The following TOM1 variants were observed in gnomAD, a reference collection of about 807,000 sequenced individuals.
TOM1 encodes the protein target of Myb protein 1.
A neutral mutation model predicts 61.3 loss-of-function variants in TOM1; 38 were observed. The ratio of observed to expected loss-of-function variants is 0.62; its 90% CI spans 0.48 to 0.81. The LOEUF is 0.81. Among genes scored for constraint, TOM1 ranks in the 40% least tolerant of loss-of-function variants. The probability of loss-of-function intolerance (pLI) is 0.00; values close to 1 mark genes in which losing one functional copy is unlikely to be tolerated. For synonymous variants in TOM1, 270 were observed against 268.8 expected, an observed-to-expected ratio of 1.00 and a Z score of -0.04; for missense variants, 591 against 659.6, an observed-to-expected ratio of 0.90 and a Z score of 1.14.
chr22:35,317,997 C>T lies in TOM1; in HGVS notation c.137+36C>T, dbSNP rs376457954. 236 of 1,553,316 alleles carry T rather than the reference C, an allele frequency of 1.5e-4. 1 individual carries two copies. The highest frequency in any genetic ancestry group is 1.6e-4 in the African/African-American group (12 of 73,656). On this transcript the variant is annotated intron_variant, in intron 2 of 14. Coordinates refer to ENST00000449058, the MANE Select transcript of TOM1 (RefSeq NM_005488.3). ...CCCAAGGAGAGGTTGGGGGCAGAGACGGCCATCCCACCACGCAGCACACTC... is the reference window on the plus strand; with the variant it reads ...CCCAAGGAGAGGTTGGGGGCAGAGATGGCCATCCCACCACGCAGCACACTC...
At chr22:35,312,625 G>C (rs1445150162) in intron 1 of TOM1, among the ~76,000 whole-genome samples, 2 of 152,226 alleles carry the variant, frequency 1.3e-5, no homozygotes, top group African/African-American at 4.8e-5. Flanking sequence ...TGTCTTAAAG[G>C]TTGTGGTGAC....
intron 11 of TOM1, 97 bp downstream of exon 11, chr22:35,334,545 A>G (rs1020517162): frequency 6.1e-6 from 9 of 1,464,664 alleles, no homozygotes; most frequent in Non-Finnish European, 8.5e-6. Context: ...GGAAGGGCAC[A>G]CGGACCCTGC....
chr22:35,333,014 G>A lies in TOM1; in HGVS notation c.933G>A (p.Lys311=), dbSNP rs771617048. 1.2e-5 allele frequency: 20 copies of A among 1,614,004 alleles called. No individual in the cohort carries two copies. Among genetic ancestry groups the A allele is most frequent in the East Asian group, 6.7e-5 (3 of 44,896 alleles). Reference sequence around the variant, plus strand: ...GGTTCCGAACAGGCCAGACCACCAAGGTAAAAGTCTTCTTTTCTGTGACTA... The same window carrying A: ...GGTTCCGAACAGGCCAGACCACCAAAGTAAAAGTCTTCTTTTCTGTGACTA... ...FERFRTGQTT[K]APSEAEPAAD... Residue 311 remains lysine (K), a splice_region_variant and synonymous_variant, in exon 9 of 15, where the codon AAG becomes AAA. Transcript: ENST00000449058.
chr22:35,330,039 G>C (rs1294234366), intron 7 of TOM1, among the ~76,000 whole-genome samples: 4 of 152,140 alleles, frequency 2.6e-5, no homozygotes, highest in Admixed American at 2.6e-4. Flanking sequence ...CAGCACTTTG[G>C]GAGGCCGAGG....
In TOM1 at chr22:35,323,737, G is replaced by A. The variant is rs1337779332; in HGVS notation, c.502-31G>A. The A allele has an allele frequency of 6.2e-7, 1 of 1,601,230 alleles. No homozygotes were observed. The highest frequency in any genetic ancestry group is 8.5e-7 in the Non-Finnish European group (1 of 1,171,450). ...TCCTGGGCTCTTGATGTTCCCAGGA[G>A]CCCTCACTGATCCTGTTTTCCTCCC... On this transcript the variant is annotated intron_variant, in intron 5 of 14. Transcript: ENST00000449058. The surrounding 1 kb of genome is among the most constrained non-coding windows in gnomAD (Gnocchi z 4.2).
chr22:35,309,659 A>AAG (rs1555892238), intron 1 of TOM1, among the ~76,000 whole-genome samples: 5 of 151,278 alleles, frequency 3.3e-5, no homozygotes, highest in Non-Finnish European at 7.4e-5. Context: ...AAAAAAAAAA[A>AAG]AGAGAGAGAA....
chr22:35,312,469 A>G (rs1392005571), intron 1 of TOM1, among the ~76,000 whole-genome samples: 3 of 152,224 alleles, frequency 2.0e-5, no homozygotes, highest in Non-Finnish European at 4.4e-5. Flanking sequence ...GGTGTTGAGA[A>G]TGTTTGAGAA....
intron 13 of TOM1, 140 bp from the exon 14 acceptor site, chr22:35,346,790 C>T (rs1930535275): frequency 1.3e-6 from 1 of 768,528 alleles, no homozygotes; most frequent in Non-Finnish European, 2.1e-6. Flanking sequence ...GTCCTGGGAC[C>T]TGGGTGGTGG....
chr22:35,317,738 G>A, intron 1 of TOM1, 139 bp from the exon 2 acceptor site: 9 of 677,462 alleles, frequency 1.3e-5, no homozygotes, highest in South Asian at 1.3e-4. Context: ...ACAGGGCCAG[G>A]CCCTGTGCCC....
intron 7 of TOM1, among the ~76,000 whole-genome samples, chr22:35,327,594 C>A (rs1042117797): frequency 2.6e-5 from 4 of 152,186 alleles, no homozygotes; most frequent in Non-Finnish European, 5.9e-5. Context: ...ACAAAGTAGC[C>A]CCCCTGGCCT....
chr22:35,343,086 A>G (rs1930045313), intron 12 of TOM1, among the ~76,000 whole-genome samples: 1 of 120,088 alleles, frequency 8.3e-6, no homozygotes. Context: ...TACACACACC[A>G]CACCTACACA....
At chr22:35,304,351 C>T (rs914486330) in intron 1 of TOM1, among the ~76,000 whole-genome samples, 3 of 152,202 alleles carry the variant, frequency 2.0e-5, no homozygotes, top group African/African-American at 7.2e-5. Flanking sequence ...CCAAGGGCAG[C>T]ACCCGTAGCT....
chr22:35,341,778 C>A (rs1929900879), intron 12 of TOM1, among the ~76,000 whole-genome samples: 2 of 152,202 alleles, frequency 1.3e-5, no homozygotes, highest in African/African-American at 2.4e-5. Context: ...CACAACTCCA[C>A]TGGCAGCAAA....
In TOM1 at chr22:35,299,986, T is replaced by A; in HGVS notation, c.52+6T>A. 1 of 1,568,852 alleles carries A rather than the reference T, an allele frequency of 6.4e-7. No homozygotes were observed. Among genetic ancestry groups the A allele is most frequent in the South Asian group, 1.2e-5 (1 of 85,786 alleles). ...TCCAGTGGGACAGCGCATCGGTGAG[T>A]CCCTGGAGCCCCCCACAGCTCCGCC... On this transcript the variant is annotated splice_donor_region_variant and intron_variant, in intron 1 of 14. Transcript: ENST00000449058.
At chr22:35,306,283 A>T (rs796146259) in intron 1 of TOM1, among the ~76,000 whole-genome samples, 28 of 152,274 alleles carry the variant, frequency 1.8e-4, no homozygotes, top group African/African-American at 6.7e-4. Flanking sequence ...AGAATGATGG[A>T]GCACACTGTT....
rs1928445116 is a variant in TOM1 at position 35,327,536 on chromosome 22, C to T, written c.765+149C>T. On this transcript the variant is annotated intron_variant, in intron 7 of 14. Coordinates refer to ENST00000449058, the MANE Select transcript of TOM1 (RefSeq NM_005488.3). ...ACATGTTACCACCAGGGACTTTGGA[C>T]GCCATCAGATTGGAATCAGATCGCA... The T allele has an allele frequency of 8.0e-6, 5 of 621,948 alleles. No homozygotes were observed. In the East Asian group the frequency reaches 8.4e-5, roughly 10 times the overall value. The allele number at this position is 621,948 out of a possible 1,614,324, so 38.5% of individuals were successfully genotyped here.
intron 8 of TOM1, chr22:35,331,285 T>C (rs745868375): frequency 4.5e-6 from 2 of 446,874 alleles, no homozygotes; most frequent in South Asian, 3.2e-5. Context: ...TTTTTTTTTT[T>C]CTTTTTGCAG....
At chr22:35,300,699 C>A (rs1925676134) in intron 1 of TOM1, among the ~76,000 whole-genome samples, 1 of 152,216 alleles carries the variant, frequency 6.6e-6, no homozygotes, top group East Asian at 1.9e-4. Context: ...TGGCGCCTGT[C>A]TGCTGGTCCG....
chr22:35,333,634 G>A (rs1601703180), intron 10 of TOM1, 137 bp downstream of exon 10: 1 of 776,868 alleles, frequency 1.3e-6, no homozygotes, highest in East Asian at 2.7e-5. Context: ...GTCCCAGGCT[G>A]AATCTTGCTG....
Sources: allele counts gnomAD v4.1 joint callset (sites outside exome capture counted in the v4.1 genomes callset), GRCh38; gene constraint gnomAD v4.1.1; non-coding constraint Gnocchi (gnomAD v3.1); transcripts MANE v1.5; gene names NCBI Gene and HGNC (gene_info 2026-07-23, HGNC 2026-07-21).